Variants in ARHGAP23 observed in about 807,000 individuals in gnomAD.
ARHGAP23 encodes Rho GTPase activating protein 23, also known as rho GTPase-activating protein 23.
Under a neutral mutation model 136.3 loss-of-function variants are expected in ARHGAP23, and 34 were observed. The observed-to-expected ratio is 0.25, with a 90% CI of 0.19 to 0.33. The LOEUF (loss-of-function observed/expected upper bound fraction) is 0.33, where lower values mean the gene tolerates loss of function less well. ARHGAP23 is among the 10% of genes least tolerant of loss of function. The pLI, the probability that ARHGAP23 is intolerant of heterozygous loss-of-function variation, is 1.00. For missense variants in ARHGAP23, 1,808 were observed against 2,139.0 expected, an observed-to-expected ratio of 0.85 and a Z score of 3.05; for synonymous variants, 832 against 920.5, an observed-to-expected ratio of 0.90 and a Z score of 1.74.
chr17:38,491,460 T>A lies in ARHGAP23; in HGVS notation c.3204T>A (p.Ser1068=). 6.5e-7 allele frequency: 1 copy of A among 1,549,604 alleles called. No homozygotes were observed. The highest frequency in any genetic ancestry group is 8.7e-7 in the Non-Finnish European group (1 of 1,146,826). The change falls in exon 20 of 24, where the codon TCT becomes TCA. Residue 1068 remains serine (S), a synonymous_variant. Coordinates refer to ENST00000622683, the MANE Select transcript of ARHGAP23 (RefSeq NM_001199417.2). ...LVFGPTLVRT[S]EDNMTDMVTH... ...TTGGGCCGACACTGGTGAGGACGTC[T>A]GAGGACAACATGACAGACATGGTGA... is the stretch of plus-strand genomic sequence containing the variant.
chr17:38,429,798 C>A (rs1016463481), intron 1 of ARHGAP23, among the ~76,000 whole-genome samples: 1 of 152,162 alleles, frequency 6.6e-6, no homozygotes, highest in Non-Finnish European at 1.5e-5. Context: ...CTATCCCCTG[C>A]ACCCCTCTCT....
intron 23 of ARHGAP23, among the ~76,000 whole-genome samples, chr17:38,507,276 AAATAAT>A (rs56830471): frequency 8.0e-5 from 11 of 136,674 alleles, no homozygotes; most frequent in East Asian, 4.3e-4. Flanking sequence ...CTCCGTCTCA[AAATAAT>A]AATAATAATA....
intron 23 of ARHGAP23, among the ~76,000 whole-genome samples, chr17:38,504,978 CTTTTTTTTTTTTTTTTTTTTTTTTTT>C (rs71138627): frequency 3.2e-4 from 14 of 43,168 alleles, no homozygotes; most frequent in South Asian, 2.6e-3. Context: ...CCCTTATCAT[CTTTTTTTTTTTTTTTTTTTTTTTTTT>C]TTTTTTTTTT....
rs2040737112 is a variant in ARHGAP23 at position 38,510,533 on chromosome 17, C to CGGCGTCGTCCAGCAGCCA, written c.4040_4057dup (p.Ala1347_Gln1352dup). On this transcript the variant is annotated inframe_insertion, in exon 24 of 24. Coordinates refer to ENST00000622683, the MANE Select transcript of ARHGAP23 (RefSeq NM_001199417.2). The surrounding 1 kb of genome is among the most constrained non-coding windows in gnomAD (Gnocchi z 4.6). ...CCCCGCGCCCCGGAGCCGCCCGGCT[C>CGGCGTCGTCCAGCAGCCA]GGCGTCGTCCAGCAGCCAGGAGTCG... The CGGCGTCGTCCAGCAGCCA allele has an allele frequency of 5.1e-6, 6 of 1,166,124 alleles. No individual in the cohort carries two copies. Among genetic ancestry groups the CGGCGTCGTCCAGCAGCCA allele is most frequent in the Non-Finnish European group, 6.3e-6 (6 of 948,760 alleles). The allele number at this position is 1,166,124 out of a possible 1,614,324, so 72.2% of individuals were successfully genotyped here. A position where few individuals can be genotyped will look rare whatever the true frequency, so the allele number is the denominator to read the frequency against.
chr17:38,461,581 C>G (rs1259499614), intron 3 of ARHGAP23, among the ~76,000 whole-genome samples: 1 of 152,220 alleles, frequency 6.6e-6, no homozygotes, highest in African/African-American at 2.4e-5. Context: ...GAGGGAGGAG[C>G]CCGCTGACCT....
intron 1 of ARHGAP23, among the ~76,000 whole-genome samples, chr17:38,457,241 AG>A (rs1178543077): frequency 6.6e-6 from 1 of 152,188 alleles, no homozygotes; most frequent in East Asian, 1.9e-4. Context: ...CTGGGATTAC[AG>A]GTGTGAGCCA....
intron 23 of ARHGAP23, 194 bp downstream of exon 23, chr17:38,500,822 C>A (rs894983066): frequency 6.4e-6 from 4 of 622,790 alleles, no homozygotes; most frequent in Non-Finnish European, 1.2e-5. Flanking sequence ...GGTGAGGCAT[C>A]TGCTGTAGTA....
intron 1 of ARHGAP23, among the ~76,000 whole-genome samples, chr17:38,454,413 G>A (rs543843492): frequency 4.5e-4 from 68 of 152,282 alleles, no homozygotes; most frequent in Non-Finnish European, 8.7e-4. Context: ...CCAGGCAGTG[G>A]AAGGATGGAA....
rs868597657 is a variant in ARHGAP23 at position 38,469,697 on chromosome 17, G to A, written c.1916+62G>A. 9.3e-5 allele frequency: 142 copies of A among 1,524,780 alleles called. 1 individual carries two copies. In the Middle Eastern group the frequency reaches 2.3e-3, roughly 25 times the overall value. 94.5% of individuals were successfully genotyped at this position (1,524,780 alleles called of 1,614,324 possible). ...AGCCACCGTGGCCAGCTGCTCTGGG[G>A]CAGGGCTCTTGGCCCTGGGGGTCCT... On this transcript the variant is annotated intron_variant, in intron 9 of 23. Coordinates refer to ENST00000622683, the MANE Select transcript of ARHGAP23 (RefSeq NM_001199417.2).
intron 17 of ARHGAP23, among the ~76,000 whole-genome samples, chr17:38,487,563 A>G (rs34095500): frequency 0.17 from 26,338 of 152,124 alleles, 2,464 homozygotes; most frequent in South Asian, 0.28. Flanking sequence ...ATTGGATATT[A>G]TAACTATTAT....
chr17:38,449,007 CG>C (rs2144560569), intron 1 of ARHGAP23, among the ~76,000 whole-genome samples: 1 of 152,114 alleles, frequency 6.6e-6, no homozygotes, highest in South Asian at 2.1e-4. Context: ...TTTGTAGAGA[CG>C]GGGTTTCGCT....
In ARHGAP23 at chr17:38,485,604, C is replaced by T. The variant is rs968684906; in HGVS notation, c.2908-458C>T. ...TTTAGCTATGAGGGTCAGAGAAGGC[C>T]TCTTTGAAGAGCGACTTTTAGGCGG... is the stretch of plus-strand genomic sequence containing the variant. On this transcript the variant is annotated intron_variant, in intron 16 of 23. Coordinates refer to ENST00000622683, the MANE Select transcript of ARHGAP23 (RefSeq NM_001199417.2). Among the ~76,000 whole-genome samples, 41 of 152,148 alleles carry T rather than the reference C, an allele frequency of 2.7e-4. 1 individual carries two copies. Among genetic ancestry groups the T allele is most frequent in the African/African-American group, 9.9e-4 (41 of 41,408 alleles).
intron 1 of ARHGAP23, 67 bp downstream of exon 1, chr17:38,428,615 G>C: frequency 1.7e-6 from 2 of 1,147,780 alleles, no homozygotes; most frequent in Admixed American, 7.9e-5. Flanking sequence ...GCCAAGCCAG[G>C]GTCGCTGCGA....
At chr17:38,464,576 G>A (rs2039538381) in intron 6 of ARHGAP23, among the ~76,000 whole-genome samples, 1 of 152,242 alleles carries the variant, frequency 6.6e-6, no homozygotes, top group Admixed American at 6.5e-5. Context: ...TCTTCCTGGG[G>A]AGAGGGAGGA....
chr17:38,429,770 G>C (rs551015412), intron 1 of ARHGAP23, among the ~76,000 whole-genome samples: 1 of 152,106 alleles, frequency 6.6e-6, no homozygotes, highest in African/African-American at 2.4e-5. Context: ...TCCCCCACCA[G>C]CAACACATAC....
chr17:38,496,056 C>T (rs1350138146), intron 20 of ARHGAP23, among the ~76,000 whole-genome samples: 1 of 152,036 alleles, frequency 6.6e-6, no homozygotes, highest in African/African-American at 2.4e-5. Context: ...CACAACCATG[C>T]CCAGCTAATT....
At chr17:38,489,282 C>G (rs1686236644) in intron 17 of ARHGAP23, among the ~76,000 whole-genome samples, 1 of 151,778 alleles carries the variant, frequency 6.6e-6, no homozygotes, top group Non-Finnish European at 1.5e-5. Context: ...TATTTTCTTA[C>G]TTTTTCCCCA....
intron 17 of ARHGAP23, chr17:38,489,636 T>G (rs2040228962): frequency 6.4e-6 from 1 of 156,924 alleles, no homozygotes; most frequent in South Asian, 2.0e-4. Context: ...CGTTAGCTCA[T>G]CCAGATGAAT....
upstream of ARHGAP23, among the ~76,000 whole-genome samples, chr17:38,423,820 C>T (rs940814326): frequency 1.3e-5 from 2 of 152,150 alleles, no homozygotes; most frequent in Non-Finnish European, 1.5e-5. Context: ...TTAGTCCTGC[C>T]CTGCCATCCT....
Sources: allele counts gnomAD v4.1 joint callset (sites outside exome capture counted in the v4.1 genomes callset), GRCh38; gene constraint gnomAD v4.1.1; non-coding constraint Gnocchi (gnomAD v3.1); transcripts MANE v1.5; gene names NCBI Gene and HGNC (gene_info 2026-07-23, HGNC 2026-07-21).